The following PCGF6 variants were observed in gnomAD, a reference collection of about 807,000 sequenced individuals.
PCGF6 encodes the protein polycomb group ring finger 6, also known as polycomb group RING finger protein 6.
PCGF6 carries 24 observed loss-of-function variants against 45.5 expected under a neutral mutation model. That is an observed-to-expected ratio of 0.53 (90% CI 0.38 to 0.74). PCGF6 has a LOEUF of 0.74. PCGF6 is among the 30% of genes least tolerant of loss of function. The probability of loss-of-function intolerance (pLI) is 0.00; values close to 1 mark genes in which losing one functional copy is unlikely to be tolerated. For missense variants in PCGF6, 356 were observed against 443.2 expected (o/e 0.80, Z 1.77); for synonymous variants, 152 against 162.1 (o/e 0.94, Z 0.47).
At chr10:103,350,527 G>A (rs528450752) in intron 1 of PCGF6, among the ~76,000 whole-genome samples, 180 bp downstream of exon 1, 1 of 152,288 alleles carries the variant, frequency 6.6e-6, no homozygotes, top group South Asian at 2.1e-4. Context: ...GACCCAGGCC[G>A]GGCCGGAGGC....
rs1225737197 is a variant in PCGF6, at chr10:103,321,388, G to GT, written c.909+5145_909+5146insA. ...TAGGTAACAAAATCAACTTAGAAGA[G>GT]AAATACTGTACAAGATGGTGACTAT... On this transcript the variant is annotated intron_variant, in intron 8 of 9. Coordinates refer to ENST00000369847, the MANE Select transcript of PCGF6 (RefSeq NM_001011663.2). Among the ~76,000 whole-genome samples, 10 of 152,236 alleles carry GT rather than the reference G, an allele frequency of 6.6e-5. No homozygotes were observed. In the East Asian group the frequency reaches 1.9e-3, roughly 29 times the overall value.
rs886792146 is a variant in PCGF6, at chr10:103,303,637, G to A, written c.*268C>T. 1 of 305,072 alleles carries A rather than the reference G, an allele frequency of 3.3e-6. No individual in the cohort carries two copies. Among genetic ancestry groups the A allele is most frequent in the Non-Finnish European group, 6.0e-6 (1 of 167,036 alleles). The allele number at this position is 305,072 out of a possible 1,614,324, so 18.9% of individuals were successfully genotyped here. A position where few individuals can be genotyped will look rare whatever the true frequency, so the allele number is the denominator to read the frequency against. ...AGATGGGAAGCAAAATCAATGTCAA[G>A]GTATTTAAAATCATAAGAAATTTTA... On this transcript the variant is annotated 3_prime_UTR_variant, in exon 10 of 10. Coordinates refer to ENST00000369847, the MANE Select transcript of PCGF6 (RefSeq NM_001011663.2).
intron 3 of PCGF6, chr10:103,348,225 CTTT>C (rs2093306770): frequency 1.3e-5 from 2 of 152,648 alleles, no homozygotes; most frequent in African/African-American, 2.4e-5. Flanking sequence ...GCCTGTGCCT[CTTT>C]TAAGTCCTCA....
intron 7 of PCGF6, among the ~76,000 whole-genome samples, chr10:103,330,043 C>G (rs1374047622): frequency 6.9e-6 from 1 of 145,396 alleles, no homozygotes; most frequent in Admixed American, 6.9e-5. Context: ...GCTGGGATTA[C>G]AGGTGTGAGC....
intron 5 of PCGF6, among the ~76,000 whole-genome samples, chr10:103,345,761 G>A (rs905545507): frequency 6.6e-6 from 1 of 151,866 alleles, no homozygotes; most frequent in African/African-American, 2.4e-5. Context: ...CTGGAAGGCG[G>A]AGGTTGCAGT....
chr10:103,308,241 G>A (rs553300292), intron 9 of PCGF6, among the ~76,000 whole-genome samples: 3 of 152,224 alleles, frequency 2.0e-5, no homozygotes, highest in African/African-American at 7.2e-5. Flanking sequence ...TGCACCCTGA[G>A]TTTGAAAATG....
At chr10:103,349,378 C>G (rs2093312195) in intron 1 of PCGF6, among the ~76,000 whole-genome samples, 1 of 151,300 alleles carries the variant, frequency 6.6e-6, no homozygotes, top group Admixed American at 6.6e-5. Context: ...ACCATAATCT[C>G]AAAATGTCAT....
At chr10:103,310,850 G>A (rs2093154862) in intron 9 of PCGF6, among the ~76,000 whole-genome samples, 2 of 152,086 alleles carry the variant, frequency 1.3e-5, no homozygotes, top group South Asian at 4.1e-4. Context: ...CTATAGGCAT[G>A]TGCCACCACA....
chr10:103,327,671 TTTTTC>T (rs929203610), intron 7 of PCGF6, among the ~76,000 whole-genome samples: 10 of 151,876 alleles, frequency 6.6e-5, no homozygotes, highest in South Asian at 2.1e-4. Flanking sequence ...AATTCTTTTT[TTTTTC>T]TTTTCTTTTC....
intron 7 of PCGF6, 90 bp from the exon 8 acceptor site, chr10:103,326,722 TAAAGA>T: frequency 1.2e-6 from 1 of 853,322 alleles, no homozygotes; most frequent in Non-Finnish European, 1.7e-6. Flanking sequence ...GTGTAAACAT[TAAAGA>T]AAATTTTATA....
intron 8 of PCGF6, among the ~76,000 whole-genome samples, chr10:103,315,990 G>GTATATA (rs1222544781): frequency 4.4e-5 from 5 of 112,464 alleles, no homozygotes; most frequent in African/African-American, 1.3e-4. Context: ...GTGTGTGTGT[G>GTATATA]TGTGTATATA....
chr10:103,311,673 G>A (rs1225802407), intron 9 of PCGF6, among the ~76,000 whole-genome samples: 1 of 151,756 alleles, frequency 6.6e-6, no homozygotes, highest in East Asian at 1.9e-4. Context: ...TACACAAAAT[G>A]TTTGTCCTTG....
rs143397830 is a variant in PCGF6, at chr10:103,321,496, G to A, written c.909+5038C>T. ...TGGGAGGCCAAGGTGGGCGGATCAC[G>A]AGGTCAGGAGATCGAGATCATCCTG... On this transcript the variant is annotated intron_variant, in intron 8 of 9. Coordinates refer to ENST00000369847, the MANE Select transcript of PCGF6 (RefSeq NM_001011663.2). Among the ~76,000 whole-genome samples the A allele has an allele frequency of 4.6e-5, 7 of 152,134 alleles. No homozygotes were observed. The East Asian group carries it at 9.7e-4, about 21-fold the overall frequency.
chr10:103,340,342 C>T (rs2133592150), intron 6 of PCGF6, among the ~76,000 whole-genome samples: 1 of 151,660 alleles, frequency 6.6e-6, no homozygotes, highest in Admixed American at 6.6e-5. Flanking sequence ...TTTTCCTCTA[C>T]AGCAGGAAAT....
intron 8 of PCGF6, among the ~76,000 whole-genome samples, chr10:103,325,751 G>C (rs2093215756): frequency 6.6e-6 from 1 of 151,864 alleles, no homozygotes; most frequent in Non-Finnish European, 1.5e-5. Flanking sequence ...TGGCACAGTG[G>C]CTAACTCCTA....
chr10:103,326,582 A>G lies in PCGF6; in HGVS notation c.861T>C (p.His287=). 1.2e-6 allele frequency: 2 copies of G among 1,612,726 alleles called. No homozygotes were observed. Among genetic ancestry groups the G allele is most frequent in the Admixed American group, 1.7e-5 (1 of 59,568 alleles). ...VRVSGEATIG[H]VEKFLRRKMG... is the part of the protein sequence containing the mutation. ...TTTTTCTTCTGAGGAATTTTTCTAC[A>G]TGTCCAATAGTTGCTTCTCCTGAAA... The change falls in exon 8 of 10, where the codon CAT becomes CAC. Residue 287 remains histidine, a synonymous_variant. Coordinates refer to ENST00000369847, the MANE Select transcript of PCGF6 (RefSeq NM_001011663.2).
At chr10:103,342,176 T>TC (rs1216891498) in intron 6 of PCGF6, among the ~76,000 whole-genome samples, 1 of 151,796 alleles carries the variant, frequency 6.6e-6, no homozygotes, top group Non-Finnish European at 1.5e-5. Context: ...TCTCAAGTGA[T>TC]CCGCCCACCT....
rs1295212552 is a variant in PCGF6 at position 103,337,521 on chromosome 10, A to C, written c.783-3569T>G. On this transcript the variant is annotated intron_variant, in intron 6 of 9. Coordinates refer to ENST00000369847, the MANE Select transcript of PCGF6 (RefSeq NM_001011663.2). Reference sequence around the variant, plus strand: ...TCCCAAGGGTTACCTACTCTGAGTTAGTCTTCAAAACCTATACTCTTTCAA... The same window carrying C: ...TCCCAAGGGTTACCTACTCTGAGTTCGTCTTCAAAACCTATACTCTTTCAA... 2.0e-5 allele frequency among the ~76,000 whole-genome samples: 3 copies of C among 152,350 alleles called. No individual in the cohort carries two copies. The South Asian group carries it at 6.2e-4, about 32-fold the overall frequency.
At chr10:103,310,967 A>G (rs1341965883) in intron 9 of PCGF6, among the ~76,000 whole-genome samples, 1 of 151,930 alleles carries the variant, frequency 6.6e-6, no homozygotes, top group Non-Finnish European at 1.5e-5. Context: ...TCCCCAGGTA[A>G]CTGGGACCAC....
Sources: allele counts gnomAD v4.1 joint callset (sites outside exome capture counted in the v4.1 genomes callset), GRCh38; gene constraint gnomAD v4.1.1; transcripts MANE v1.5; gene names NCBI Gene and HGNC (gene_info 2026-07-23, HGNC 2026-07-21).